RBFOX1: variants seen among roughly 807,000 people sequenced by gnomAD.
The protein encoded by RBFOX1 is RNA binding fox-1 homolog 1, also known as RNA binding protein fox-1 homolog 1.
Under a neutral mutation model 57.7 loss-of-function variants are expected in RBFOX1, and 8 were observed. The observed-to-expected ratio is 0.14, with a 90% CI of 0.08 to 0.25. The LOEUF is 0.25. RBFOX1 is among the 10% of genes least tolerant of loss of function. The pLI is 1.00. For synonymous variants in RBFOX1, 326 were observed against 222.4 expected (o/e 1.47, Z -4.15); for missense variants, 611 against 548.5 (o/e 1.11, Z -1.14).
chr16:5,856,604 T>TATATATATATATATATATATATATA (rs776623035), intron 3 of RBFOX1, among the ~76,000 whole-genome samples: 1 of 68,110 alleles, frequency 1.5e-5, no homozygotes, highest in Non-Finnish European at 3.0e-5. Context: ...TATATATATA[T>TATATATATATATATATATATATATA]AATCTTAGCC....
At chr16:6,166,975 A>G (rs573681002) in intron 1 of RBFOX1, among the ~76,000 whole-genome samples, 5 of 152,000 alleles carry the variant, frequency 3.3e-5, no homozygotes, top group South Asian at 4.2e-4. Context: ...GGGTTTCACT[A>G]TATTGGCTAG....
chr16:6,912,600 T>A (rs1036475242), intron 3 of RBFOX1, among the ~76,000 whole-genome samples: 7 of 102,382 alleles, frequency 6.8e-5, no homozygotes, highest in African/African-American at 2.5e-4. Flanking sequence ...TTGCTTTCTT[T>A]TCTTGTGTGT....
chr16:7,648,661 G>C (rs1284791483), intron 11 of RBFOX1, among the ~76,000 whole-genome samples: 3 of 152,130 alleles, frequency 2.0e-5, no homozygotes, highest in Admixed American at 2.0e-4. Context: ...TGTTGTTGCT[G>C]GGTTGTCAGA....
intron 1 of RBFOX1, among the ~76,000 whole-genome samples, chr16:5,390,183 C>G (rs555647819): frequency 4.6e-5 from 7 of 151,620 alleles, no homozygotes; most frequent in South Asian, 2.1e-4. Flanking sequence ...TTTAATTTCA[C>G]AATATATTTT....
intron 2 of RBFOX1, among the ~76,000 whole-genome samples, chr16:5,524,026 G>A (rs141359803): frequency 4.3e-3 from 649 of 152,244 alleles, no homozygotes; most frequent in Non-Finnish European, 7.6e-3. Flanking sequence ...TAGATAATCC[G>A]CCAGCACCTC....
chr16:5,721,877 A>G (rs907295975), intron 3 of RBFOX1, among the ~76,000 whole-genome samples: 2 of 152,240 alleles, frequency 1.3e-5, no homozygotes, highest in Admixed American at 1.3e-4. Flanking sequence ...GACCAAGCAC[A>G]AGATTCACTG....
intron 4 of RBFOX1, among the ~76,000 whole-genome samples, chr16:7,207,331 A>G (rs1469199640): frequency 1.3e-5 from 2 of 152,190 alleles, no homozygotes; most frequent in Non-Finnish European, 2.9e-5. Context: ...ACCAGATGGA[A>G]CATGATTTTT....
intron 4 of RBFOX1, among the ~76,000 whole-genome samples, chr16:7,303,772 T>G (rs1404787504): frequency 6.7e-6 from 1 of 150,094 alleles, no homozygotes; most frequent in African/African-American, 2.5e-5. Flanking sequence ...TCTCTCTCTC[T>G]CTCTCTCTCT....
At chr16:7,278,073 AG>A (rs368308243) in intron 4 of RBFOX1, among the ~76,000 whole-genome samples, 7 of 152,214 alleles carry the variant, frequency 4.6e-5, no homozygotes, top group African/African-American at 1.7e-4. Flanking sequence ...TTGATTCCGT[AG>A]GCGGCTAAAT....
At chr16:7,141,332 T>C (rs551051066) in intron 4 of RBFOX1, among the ~76,000 whole-genome samples, 1 of 152,238 alleles carries the variant, frequency 6.6e-6, no homozygotes, top group East Asian at 1.9e-4. Context: ...CAGTGCTTGG[T>C]TCTGGGAATC....
At chr16:6,561,589 C>G (rs1188132920) in intron 2 of RBFOX1, among the ~76,000 whole-genome samples, 1 of 152,178 alleles carries the variant, frequency 6.6e-6, no homozygotes, top group Non-Finnish European at 1.5e-5. Flanking sequence ...TCATGTAGAA[C>G]AAACCAATTT....
chr16:7,169,846 T>C (rs746597911), intron 4 of RBFOX1, among the ~76,000 whole-genome samples: 4 of 151,950 alleles, frequency 2.6e-5, no homozygotes, highest in Non-Finnish European at 5.9e-5. Flanking sequence ...CAAAGCAGGC[T>C]GATCGCTTGA....
chr16:5,400,422 A>G (rs562885942), intron 1 of RBFOX1, among the ~76,000 whole-genome samples: 8 of 152,218 alleles, frequency 5.3e-5, no homozygotes, highest in African/African-American at 1.2e-4. Context: ...GTACATCTCT[A>G]TGTAATTCTT....
chr16:6,940,828 G>T (rs1211222255), intron 3 of RBFOX1, among the ~76,000 whole-genome samples: 2 of 139,124 alleles, frequency 1.4e-5, no homozygotes, highest in Non-Finnish European at 3.0e-5. Context: ...GAGTACAGGC[G>T]CCTGCCACCA....
intron 4 of RBFOX1, among the ~76,000 whole-genome samples, chr16:7,489,156 G>A (rs1227764711): frequency 6.6e-6 from 1 of 152,018 alleles, no homozygotes; most frequent in African/African-American, 2.4e-5. Context: ...GTCTGTCTCT[G>A]TTTCACTGTT....
At chr16:7,692,138 C>G (rs766962628) in intron 14 of RBFOX1, among the ~76,000 whole-genome samples, 2 of 152,108 alleles carry the variant, frequency 1.3e-5, no homozygotes, top group African/African-American at 4.8e-5. Flanking sequence ...TCAAAAAGCC[C>G]AAAATCTTAT....
At chr16:5,424,481 C>T (rs1017098431) in intron 1 of RBFOX1, among the ~76,000 whole-genome samples, 2 of 151,764 alleles carry the variant, frequency 1.3e-5, no homozygotes, top group African/African-American at 4.8e-5. Flanking sequence ...AAAGATAGGC[C>T]AGGGGCCCAG....
chr16:5,550,656 A>T (rs1031780710), intron 2 of RBFOX1, among the ~76,000 whole-genome samples: 23 of 152,286 alleles, frequency 1.5e-4, no homozygotes, highest in Middle Eastern at 3.4e-3. Context: ...GGTCCCATTT[A>T]TGGTACGTTA....
chr16:5,251,976 G>A (rs973576720), intron 1 of RBFOX1, among the ~76,000 whole-genome samples: 1 of 152,154 alleles, frequency 6.6e-6, no homozygotes, highest in Non-Finnish European at 1.5e-5. Flanking sequence ...CCAAGGTCTG[G>A]GGCTGTGCTG....
Sources: gnomAD v4.1 joint callset for allele counts (sites outside exome capture counted in the v4.1 genomes callset) on GRCh38, gnomAD v4.1.1 for gene constraint, MANE v1.5 for transcripts, NCBI Gene and HGNC (gene_info 2026-07-23, HGNC 2026-07-21) for gene names.